The following PITPNM2 variants were observed in gnomAD, a reference collection of about 807,000 sequenced individuals.
The protein encoded by PITPNM2 is membrane-associated phosphatidylinositol transfer protein 2.
A neutral mutation model predicts 132.2 loss-of-function variants in PITPNM2; 35 were observed. The ratio of observed to expected loss-of-function variants is 0.26; its 90% CI spans 0.20 to 0.35. PITPNM2 has a LOEUF of 0.35. PITPNM2 is among the 10% of genes least tolerant of loss of function. The pLI is 1.00. For synonymous variants in PITPNM2, 738 were observed against 799.2 expected, an observed-to-expected ratio of 0.92 and a Z score of 1.29; for missense variants, 1,332 against 1,912.0, an observed-to-expected ratio of 0.70 and a Z score of 5.66.
At chr12:123,042,366 A>G (rs1229273547) in intron 2 of PITPNM2, among the ~76,000 whole-genome samples, 1 of 152,222 alleles carries the variant, frequency 6.6e-6, no homozygotes, top group African/African-American at 2.4e-5. Context: ...AGCGGAGGCC[A>G]TGAGACACCC....
At chr12:123,121,479 CTTTT>C (rs1199378980) in intron 1 of PITPNM2, among the ~76,000 whole-genome samples, 2 of 152,124 alleles carry the variant, frequency 1.3e-5, no homozygotes, top group Non-Finnish European at 2.9e-5. Context: ...TGAATTATAC[CTTTT>C]TTTGTGTTTG....
chr12:123,056,992 C>T (rs575505103), intron 2 of PITPNM2, among the ~76,000 whole-genome samples: 2 of 152,134 alleles, frequency 1.3e-5, no homozygotes, highest in Non-Finnish European at 2.9e-5. Context: ...TCAGAAGCCT[C>T]GGATCCCAAA....
At position 122,989,596 on chromosome 12, in the gene PITPNM2, G is replaced by A. The variant is rs147016974; in HGVS notation, c.2731+191C>T. 2.0e-5 allele frequency among the ~76,000 whole-genome samples: 3 copies of A among 152,224 alleles called. No individual in the cohort carries two copies. In the East Asian group the frequency reaches 5.8e-4, roughly 29 times the overall value. Reference sequence around the variant, plus strand: ...ATCTGGCCTCACTCCAGCTCCGTGGGGTCCCTGGTCCCCCACCCCACCAGA... The same window carrying A: ...ATCTGGCCTCACTCCAGCTCCGTGGAGTCCCTGGTCCCCCACCCCACCAGA... On this transcript the variant is annotated intron_variant, in intron 18 of 25. Transcript: ENST00000320201.
chr12:123,053,059 AT>A lies in PITPNM2; in HGVS notation c.-95-18375del, dbSNP rs1219691412. Among the ~76,000 whole-genome samples, 24 of 151,886 alleles carry A rather than the reference AT, an allele frequency of 1.6e-4. No homozygotes were observed. In the South Asian group the frequency reaches 4.6e-3, roughly 29 times the overall value. ...CCACACCACACCTGGCTAATTTTTT[AT>A]TTTTTGTAGAGACAGGGTCTCCCTA... On this transcript the variant is annotated intron_variant, in intron 2 of 25. Coordinates refer to ENST00000320201, the MANE Select transcript of PITPNM2 (RefSeq NM_020845.3).
In PITPNM2 at chr12:122,994,939, G is replaced by A. The variant is rs1321160567; in HGVS notation, c.2095C>T (p.His699Tyr). 8.7e-6 allele frequency: 14 copies of A among 1,611,098 alleles called. No individual in the cohort carries two copies. The highest frequency in any genetic ancestry group is 1.2e-5 in the Non-Finnish European group (14 of 1,179,630). The change falls in exon 15 of 26, where the codon CAT (histidine) becomes TAT (tyrosine). Residue 699 changes from histidine (H) to tyrosine (Y), a missense_variant. Physicochemically the swap from His to Tyr is moderately conservative, Grantham distance 83 (BLOSUM62 2). Coordinates refer to ENST00000320201, the MANE Select transcript of PITPNM2 (RefSeq NM_020845.3). The surrounding 1 kb of genome is among the most constrained non-coding windows in gnomAD (Gnocchi z 5.4). ...SVLRTEPCSR[H>Y]SSSSTMLDGT... Reference sequence around the variant, plus strand: ...TCCAGCATGGTGGAGCTGCTGGAATGGCGTGAGCAGGGCTCAGTCCTCAGC... The same window carrying A: ...TCCAGCATGGTGGAGCTGCTGGAATAGCGTGAGCAGGGCTCAGTCCTCAGC...
At chr12:123,131,278 CAG>C (rs2043256174) in intron 1 of PITPNM2, among the ~76,000 whole-genome samples, 1 of 152,134 alleles carries the variant, frequency 6.6e-6, no homozygotes, top group African/African-American at 2.4e-5. Flanking sequence ...CAGATAGACA[CAG>C]AGGGAGACAA....
chr12:122,990,757 G>A, intron 16 of PITPNM2, 48 bp from the exon 17 acceptor site: 3 of 1,541,288 alleles, frequency 1.9e-6, no homozygotes, highest in Non-Finnish European at 2.6e-6. Flanking sequence ...GCCCTGCCCA[G>A]CCCCGGAGCA....
chr12:123,001,667 T>C (rs145707502), intron 8 of PITPNM2, among the ~76,000 whole-genome samples: 1 of 152,370 alleles, frequency 6.6e-6, no homozygotes, highest in East Asian at 1.9e-4. Context: ...GGCTGAACCA[T>C]AGTCCATTGC....
chr12:123,095,107 C>T lies in PITPNM2; in HGVS notation c.-96+15278G>A, dbSNP rs1328222489. 6.6e-6 allele frequency among the ~76,000 whole-genome samples: 1 copy of T among 152,194 alleles called. No individual in the cohort carries two copies. Among genetic ancestry groups the T allele is most frequent in the African/African-American group, 2.4e-5 (1 of 41,436 alleles). On this transcript the variant is annotated intron_variant, in intron 2 of 25. Transcript: ENST00000320201. The surrounding 1 kb of genome is among the most constrained non-coding windows in gnomAD (Gnocchi z 5.0). ...CAGTGCGTCCACATTAGGGTGGCTGCTGGGGATCCAAGACTCTCCACTCCA... is the reference window on the plus strand; with the variant it reads ...CAGTGCGTCCACATTAGGGTGGCTGTTGGGGATCCAAGACTCTCCACTCCA...
At chr12:123,137,421 C>T (rs2043405441) in intron 1 of PITPNM2, among the ~76,000 whole-genome samples, 1 of 152,166 alleles carries the variant, frequency 6.6e-6, no homozygotes, top group Admixed American at 6.5e-5. Flanking sequence ...GCCCTACCAA[C>T]CCTCATACTC....
Position 123,013,930 on chromosome 12 carries a change from T to G in PITPNM2, c.191A>C (p.His64Pro). The G allele has an allele frequency of 6.2e-7, 1 of 1,614,270 alleles. No individual in the cohort carries two copies. The highest frequency in any genetic ancestry group is 8.5e-7 in the Non-Finnish European group (1 of 1,180,048). Reference sequence around the variant, plus strand: ...CCAGCTGGGAATGTGCATGCCCACATGATACACCTTGTGTGTGTACTGCCC... The same window carrying G: ...CCAGCTGGGAATGTGCATGCCCACAGGATACACCTTGTGTGTGTACTGCCC... The part of the protein sequence containing the change: ...GSGQYTHKVY[H>P]VGMHIPSWFR... The change falls in exon 4 of 26, where the codon CAT (histidine) becomes CCT (proline). Residue 64 changes from histidine to proline, a missense_variant. His to Pro is a moderately conservative substitution (Grantham distance 77, BLOSUM62 -2). This residue lies in a region of PITPNM2 where 83 missense variants were observed against 118.7 expected (regional missense o/e 0.70). Coordinates refer to ENST00000320201, the MANE Select transcript of PITPNM2 (RefSeq NM_020845.3).
chr12:123,148,742 C>T (rs2043668704), intron 1 of PITPNM2, among the ~76,000 whole-genome samples: 1 of 152,102 alleles, frequency 6.6e-6, no homozygotes. Flanking sequence ...TGCAGAGAAA[C>T]GTGATACAGC....
intron 2 of PITPNM2, among the ~76,000 whole-genome samples, chr12:123,034,981 G>A (rs368259638): frequency 6.7e-4 from 102 of 152,334 alleles, no homozygotes; most frequent in African/African-American, 2.2e-3. Flanking sequence ...TAAGAACACC[G>A]TGCTCTTGTT....
At chr12:123,136,841 G>A (rs2043392129) in intron 1 of PITPNM2, among the ~76,000 whole-genome samples, 1 of 152,220 alleles carries the variant, frequency 6.6e-6, no homozygotes, top group Non-Finnish European at 1.5e-5. Flanking sequence ...GGATTGCAGT[G>A]AGCCGAGATT....
chr12:123,042,339 C>T (rs193268082), intron 2 of PITPNM2, among the ~76,000 whole-genome samples: 29 of 152,274 alleles, frequency 1.9e-4, no homozygotes, highest in Non-Finnish European at 3.2e-4. Flanking sequence ...GACGAGGCGA[C>T]GTGGACAGCT....
chr12:123,110,280 A>C (rs1229742109), intron 2 of PITPNM2, 105 bp downstream of exon 2: 1 of 152,240 alleles, frequency 6.6e-6, no homozygotes, highest in African/African-American at 2.4e-5. Context: ...GGGAAAAGGG[A>C]AACAGCAATA....
intron 2 of PITPNM2, among the ~76,000 whole-genome samples, chr12:123,096,036 C>T (rs1239650181): frequency 6.6e-6 from 1 of 152,234 alleles, no homozygotes; most frequent in Non-Finnish European, 1.5e-5. Flanking sequence ...AGCTCAGAGC[C>T]CACACTCAGG....
At chr12:123,147,294 G>C (rs557788645) in intron 1 of PITPNM2, among the ~76,000 whole-genome samples, 2 of 152,220 alleles carry the variant, frequency 1.3e-5, no homozygotes, top group South Asian at 4.2e-4. Context: ...CTGTGAGTTA[G>C]TGTGTTAGGT....
At chr12:123,094,836 C>A (rs2042365383) in intron 2 of PITPNM2, among the ~76,000 whole-genome samples, 1 of 152,218 alleles carries the variant, frequency 6.6e-6, no homozygotes, top group Non-Finnish European at 1.5e-5. Context: ...GACCCCACGT[C>A]TGACTCATAG....
Sources: gnomAD v4.1 joint callset for allele counts (sites outside exome capture counted in the v4.1 genomes callset) on GRCh38, gnomAD v4.1.1 for gene constraint, gnomAD v4.1.1 regional missense constraint, Gnocchi (gnomAD v3.1) non-coding constraint, MANE v1.5 for transcripts, NCBI Gene and HGNC (gene_info 2026-07-23, HGNC 2026-07-21) for gene names.